Variants in CHST6 observed in about 807,000 individuals in gnomAD.
CHST6 encodes N-acetylglucosamine 6-O-sulfotransferase 5.
For missense variants in CHST6, 698 were observed against 586.2 expected (o/e 1.19, Z -1.97); for synonymous variants, 309 against 276.4 (o/e 1.12, Z -1.17).
At chr16:75,483,735 A>C (rs574448835) in intron 1 of CHST6, among the ~76,000 whole-genome samples, 1 of 152,312 alleles carries the variant, frequency 6.6e-6, no homozygotes, top group South Asian at 2.1e-4. Context: ...GCTTAAATCC[A>C]AGAGCCAGCC....
Position 75,474,427 on chromosome 16 carries a change from A to C in CHST6, c.*4214T>G, listed in dbSNP as rs2080046286. ...GTAGCTAGGACTACAGGTGCACGAC[A>C]CCATGCCCTGCTAATTTTTTTTTAA... On this transcript the variant is annotated 3_prime_UTR_variant, in exon 3 of 3. Transcript: ENST00000332272. 1 of 389,984 alleles carries C rather than the reference A, an allele frequency of 2.6e-6. No homozygotes were observed. Among genetic ancestry groups the C allele is most frequent in the Non-Finnish European group, 4.5e-6 (1 of 221,102 alleles). 24.2% of individuals were successfully genotyped at this position (389,984 alleles called of 1,614,324 possible).
At chr16:75,493,238 C>T (rs1197088742) in intron 1 of CHST6, among the ~76,000 whole-genome samples, 3 of 152,000 alleles carry the variant, frequency 2.0e-5, no homozygotes, top group Admixed American at 6.6e-5. Context: ...AGGTCAGGTG[C>T]GGTGGCTCAC....
intron 1 of CHST6, 101 bp from the exon 2 acceptor site, chr16:75,481,992 G>C: frequency 2.5e-6 from 1 of 400,020 alleles, no homozygotes; most frequent in Non-Finnish European, 5.0e-6. Context: ...CTGTAGGATG[G>C]GATGTGCAAC....
chr16:75,485,645 G>A (rs1256127887), intron 1 of CHST6, among the ~76,000 whole-genome samples: 3 of 152,176 alleles, frequency 2.0e-5, no homozygotes, highest in Non-Finnish European at 4.4e-5. Flanking sequence ...TTTAAAAGAT[G>A]TGAAAAGTAG....
At chr16:75,492,888 T>G (rs150209515) in intron 1 of CHST6, among the ~76,000 whole-genome samples, 89 of 151,890 alleles carry the variant, frequency 5.9e-4, no homozygotes, top group Admixed American at 2.8e-3. Context: ...AAAAAACACA[T>G]AGTCAAATGC....
intron 1 of CHST6, among the ~76,000 whole-genome samples, chr16:75,489,819 T>A (rs563755873): frequency 1.3e-5 from 2 of 151,920 alleles, no homozygotes; most frequent in Non-Finnish European, 2.9e-5. Flanking sequence ...TAAGAATGAA[T>A]AAAGAAAAAA....
Position 75,473,777 on chromosome 16 carries a change from A to T in CHST6, c.*4864T>A, listed in dbSNP as rs146732135. The T allele has an allele frequency of 6.6e-6, 1 of 152,268 alleles. No homozygotes were observed. Among genetic ancestry groups the T allele is most frequent in the East Asian group, 1.9e-4 (1 of 5,180 alleles). 9.4% of individuals were successfully genotyped at this position (152,268 alleles called of 1,614,324 possible). On this transcript the variant is annotated 3_prime_UTR_variant, in exon 3 of 3. Transcript: ENST00000332272. The stretch of plus-strand genomic sequence containing the variant: ...TTGGTCATCCTATCTCTACAAATTT[A>T]TTGTATTTTTTAAAAATGCTGTGTA...
At chr16:75,482,999 T>C (rs2080159045) in intron 1 of CHST6, among the ~76,000 whole-genome samples, 1 of 152,208 alleles carries the variant, frequency 6.6e-6, no homozygotes, top group East Asian at 1.9e-4. Context: ...TTCCTGCCAA[T>C]GGGGCGCCGA....
Position 75,478,911 on chromosome 16 carries a change from G to A in CHST6, c.918C>T (p.Ile306=), listed in dbSNP as rs576445739. 6.6e-5 allele frequency: 106 copies of A among 1,613,192 alleles called. No individual in the cohort carries two copies. The highest frequency in any genetic ancestry group is 5.2e-4 in the South Asian group (47 of 91,088). The change falls in exon 3 of 3, where the codon ATC becomes ATT. Residue 306 remains isoleucine (I), a synonymous_variant. Coordinates refer to ENST00000332272, the MANE Select transcript of CHST6 (RefSeq NM_021615.5). ...GCGCACCAGGTCCAGATCCGTGGGT[G>A]ATGTTATGGATCCAGGCCTCGAGCT... ...TPQLEAWIHN[I]THGSGPGARR...
chr16:75,485,690 A>G (rs2080188997), intron 1 of CHST6, among the ~76,000 whole-genome samples: 1 of 152,228 alleles, frequency 6.6e-6, no homozygotes. Context: ...AAGGTTGGAA[A>G]ATAGAGAAGA....
In CHST6 at chr16:75,475,397, G is replaced by C. The variant is rs777980314; in HGVS notation, c.*3244C>G. The C allele has an allele frequency of 1.5e-5, 2 of 133,154 alleles. No homozygotes were observed. Among genetic ancestry groups the C allele is most frequent in the Non-Finnish European group, 3.3e-5 (2 of 61,536 alleles). 8.2% of individuals were successfully genotyped at this position (133,154 alleles called of 1,614,324 possible). On this transcript the variant is annotated 3_prime_UTR_variant, in exon 3 of 3. Transcript: ENST00000332272. ...CAGACTCTACTTCTTGATGGCAGGA[G>C]CCATGGTCACACAGCACAGAGTGTC...
At chr16:75,493,652 T>C (rs1259650814) in intron 1 of CHST6, among the ~76,000 whole-genome samples, 1 of 152,184 alleles carries the variant, frequency 6.6e-6, no homozygotes, top group East Asian at 1.9e-4. Flanking sequence ...AGTATTTGCT[T>C]AGCAATCTTC....
At chr16:75,483,653 T>C (rs781422264) in intron 1 of CHST6, among the ~76,000 whole-genome samples, 9 of 152,168 alleles carry the variant, frequency 5.9e-5, no homozygotes, top group Non-Finnish European at 8.8e-5. Context: ...GAAATGACCA[T>C]ACCTCTCTGT....
intron 1 of CHST6, among the ~76,000 whole-genome samples, chr16:75,490,441 G>A (rs1036914050): frequency 2.0e-5 from 3 of 152,114 alleles, no homozygotes; most frequent in Non-Finnish European, 4.4e-5. Context: ...TCGCACCATT[G>A]CACTCCAGCC....
chr16:75,479,256 G>A lies in CHST6; in HGVS notation c.573C>T (p.Pro191=), dbSNP rs1044185449. The part of the protein sequence containing the change: ...LQVLYPLLSD[P]ALNLRIVHLV... ...GGTGCACGATGCGTAGGTTGAGCGC[G>A]GGGTCGCTGAGCAGCGGGTAGAGCA... is the stretch of plus-strand genomic sequence containing the variant. Residue 191 remains proline (P), a synonymous_variant, in exon 3 of 3, where the codon CCC becomes CCT. Transcript: ENST00000332272. The A allele has an allele frequency of 2.5e-6, 4 of 1,612,342 alleles. No individual in the cohort carries two copies. The highest frequency in any genetic ancestry group is 2.2e-5 in the East Asian group (1 of 44,868).
chr16:75,484,290 T>C (rs2151669085), intron 1 of CHST6, among the ~76,000 whole-genome samples: 1 of 151,836 alleles, frequency 6.6e-6, no homozygotes, highest in African/African-American at 2.4e-5. Context: ...TGAGCCAAGA[T>C]CACACCACTG....
intron 1 of CHST6, among the ~76,000 whole-genome samples, chr16:75,484,640 A>G (rs2080176019): frequency 6.6e-6 from 1 of 152,214 alleles, no homozygotes; most frequent in Admixed American, 6.5e-5. Flanking sequence ...ACTAGAGGTC[A>G]GTAGATCGAG....
intron 1 of CHST6, among the ~76,000 whole-genome samples, chr16:75,486,111 A>G (rs1321959701): frequency 2.6e-5 from 4 of 150,978 alleles, no homozygotes; most frequent in Non-Finnish European, 5.9e-5. Context: ...CACCCATGCT[A>G]TGAGTGCGCA....
rs962026870 is a variant in CHST6 at position 75,494,769 on chromosome 16, C to A, written c.-92+171G>T. Among the ~76,000 whole-genome samples, 5 of 152,368 alleles carry A rather than the reference C, an allele frequency of 3.3e-5. No homozygotes were observed. The South Asian group carries it at 1.0e-3, about 32-fold the overall frequency. On this transcript the variant is annotated intron_variant, in intron 1 of 2. Coordinates refer to ENST00000332272, the MANE Select transcript of CHST6 (RefSeq NM_021615.5). The stretch of plus-strand genomic sequence containing the variant: ...CAAGACACTTCCAAACCGGCGCCAA[C>A]AGCGGCGATGCCCTTTCCACGTTGC...
Sources: gnomAD v4.1 joint callset for allele counts (sites outside exome capture counted in the v4.1 genomes callset) on GRCh38, gnomAD v4.1.1 for gene constraint, MANE v1.5 for transcripts, NCBI Gene and HGNC (gene_info 2026-07-23, HGNC 2026-07-21) for gene names.